Variants in RAB36 observed in about 807,000 individuals in gnomAD.
The protein encoded by RAB36 is ras-related protein Rab-36.
A neutral mutation model predicts 39.3 loss-of-function variants in RAB36; 33 were observed. That is an observed-to-expected ratio of 0.84 (90% CI 0.64 to 1.12). The LOEUF is 1.12. Among genes scored for constraint, RAB36 ranks in the 50% most tolerant of loss-of-function variants. RAB36 has a pLI of 0.00. For synonymous variants in RAB36, 133 were observed against 140.2 expected (o/e 0.95, Z 0.36); for missense variants, 308 against 355.3 (o/e 0.87, Z 1.07).
intron 3 of RAB36, 49 bp from the exon 4 acceptor site, chr22:23,152,412 G>A (rs770506094): frequency 5.6e-6 from 9 of 1,596,320 alleles, no homozygotes; most frequent in Non-Finnish European, 7.7e-6. Flanking sequence ...AGTGTCTGAA[G>A]ACACCCTGGA....
At chr22:23,146,266 TGGCACCTTCAC>T (rs995971131) in intron 1 of RAB36, among the ~76,000 whole-genome samples, 15 of 152,218 alleles carry the variant, frequency 9.9e-5, no homozygotes, top group Middle Eastern at 3.2e-3. Flanking sequence ...TGGAGTGCAG[TGGCACCTTCAC>T]GGTTCACTGC....
intron 3 of RAB36, 130 bp from the exon 4 acceptor site, chr22:23,152,331 G>T: frequency 1.2e-6 from 1 of 868,384 alleles, no homozygotes; most frequent in Admixed American, 1.8e-5. Context: ...GTCTCAGCAG[G>T]GTGGCCCATC....
chr22:23,161,897 A>C lies in RAB36; in HGVS notation c.*333A>C. The C allele has an allele frequency of 2.6e-5, 8 of 311,674 alleles. No individual in the cohort carries two copies. Among genetic ancestry groups the C allele is most frequent in the South Asian group, 7.4e-5 (2 of 26,920 alleles). The allele number at this position is 311,674 out of a possible 1,614,324, so 19.3% of individuals were successfully genotyped here. ...GCCTCAAGAGGCCTCAGAACTGCAA[A>C]CTCCTGCGTCGGTCTATACTACTCG... On this transcript the variant is annotated 3_prime_UTR_variant, in exon 11 of 11. Coordinates refer to ENST00000263116, the MANE Select transcript of RAB36 (RefSeq NM_004914.5).
At position 23,163,750 on chromosome 22, in the gene RAB36, C is replaced by T. The variant is rs1453014623; in HGVS notation, c.*2186C>T. 1 of 152,174 alleles carries T rather than the reference C, an allele frequency of 6.6e-6. No homozygotes were observed. The highest frequency in any genetic ancestry group is 1.9e-4 in the East Asian group (1 of 5,184). 9.4% of individuals were successfully genotyped at this position (152,174 alleles called of 1,614,324 possible). A position where few individuals can be genotyped will look rare whatever the true frequency, so the allele number is the denominator to read the frequency against. ...GGACTATTCCTTCTGGACTCTGTGC[C>T]TTTGCCTGCACAGCTAGTGTTGATG... is the stretch of plus-strand genomic sequence containing the variant. On this transcript the variant is annotated 3_prime_UTR_variant, in exon 11 of 11. Coordinates refer to ENST00000263116, the MANE Select transcript of RAB36 (RefSeq NM_004914.5).
intron 7 of RAB36, among the ~76,000 whole-genome samples, chr22:23,158,338 T>G (rs1418088178): frequency 6.6e-6 from 1 of 152,228 alleles, no homozygotes; most frequent in African/African-American, 2.4e-5. Context: ...ATGTTGCAAG[T>G]CCGGATACTT....
At chr22:23,156,144 AG>A in intron 6 of RAB36, 112 bp downstream of exon 6, 1 of 870,744 alleles carries the variant, frequency 1.1e-6, no homozygotes, top group Non-Finnish European at 1.8e-6. Flanking sequence ...TTGTCCTCCA[AG>A]ACCCACTGAG....
chr22:23,156,040 A>T lies in RAB36; in HGVS notation c.394+8A>T. ...ACTACCGGGGTGCCCAGGGTGAGCA[A>T]CATGCCACGTCGGGGCTCAACTGCA... is the stretch of plus-strand genomic sequence containing the variant. On this transcript the variant is annotated splice_region_variant and intron_variant, in intron 6 of 10. Transcript: ENST00000263116. 6.2e-7 allele frequency: 1 copy of T among 1,610,220 alleles called. No homozygotes were observed. Among genetic ancestry groups the T allele is most frequent in the South Asian group, 1.1e-5 (1 of 90,460 alleles).
rs377727386 is a variant in RAB36 at position 23,150,149 on chromosome 22, T to C, written c.156T>C (p.Thr52=). The part of the protein sequence containing the change: ...SAACQRRNTG[T]VGLKLSKVVV... ...CCTGCCAACGCAGGAACACGGGGACTGTCGGGTGAGCCTGCAGGGTGTGGG... is the reference window on the plus strand; with the variant it reads ...CCTGCCAACGCAGGAACACGGGGACCGTCGGGTGAGCCTGCAGGGTGTGGG... The change falls in exon 3 of 11, where the codon ACT becomes ACC. Residue 52 remains threonine (T), a synonymous_variant. Transcript: ENST00000263116. The C allele has an allele frequency of 1.2e-6, 2 of 1,610,678 alleles. No homozygotes were observed. Among genetic ancestry groups the C allele is most frequent in the South Asian group, 2.2e-5 (2 of 90,564 alleles).
intron 4 of RAB36, 57 bp from the exon 5 acceptor site, chr22:23,152,976 G>T: frequency 1.6e-6 from 2 of 1,256,758 alleles, no homozygotes; most frequent in Non-Finnish European, 2.3e-6. Flanking sequence ...TACAAGTGAA[G>T]CTTCCGGGCA....
downstream of RAB36, among the ~76,000 whole-genome samples, chr22:23,168,681 G>C (rs2072090722): frequency 6.6e-6 from 1 of 152,178 alleles, no homozygotes; most frequent in African/African-American, 2.4e-5. Flanking sequence ...CTTCCAGGCA[G>C]CACAGACCCT....
At position 23,165,250 on chromosome 22, in the gene RAB36, A is replaced by G. The variant is rs2072018394; in HGVS notation, c.*3686A>G. Among the ~76,000 whole-genome samples, 1 of 152,246 alleles carries G rather than the reference A, an allele frequency of 6.6e-6. No homozygotes were observed. Among genetic ancestry groups the G allele is most frequent in the Admixed American group, 6.5e-5 (1 of 15,290 alleles). On this transcript the variant is annotated 3_prime_UTR_variant, in exon 11 of 11. Transcript: ENST00000263116. ...GCTCAAACAAGACCATGTTCCCAGCAGACAGATTGCACTCTGACCCAGATG... is the reference window on the plus strand; with the variant it reads ...GCTCAAACAAGACCATGTTCCCAGCGGACAGATTGCACTCTGACCCAGATG...
chr22:23,152,113 G>A (rs950602905), intron 3 of RAB36, among the ~76,000 whole-genome samples: 15 of 152,216 alleles, frequency 9.9e-5, no homozygotes, highest in Non-Finnish European at 1.2e-4. Flanking sequence ...CAGCACAGAC[G>A]TGCCCACGGC....
At chr22:23,149,578 C>CA (rs1175546396) in intron 2 of RAB36, among the ~76,000 whole-genome samples, 6 of 152,232 alleles carry the variant, frequency 3.9e-5, no homozygotes, top group Non-Finnish European at 7.3e-5. Flanking sequence ...CACTCTGTCA[C>CA]CCAAGTTGGA....
At chr22:23,152,422 A>G in intron 3 of RAB36, 39 bp from the exon 4 acceptor site, 4 of 1,609,920 alleles carry the variant, frequency 2.5e-6, no homozygotes, top group Non-Finnish European at 3.4e-6. Flanking sequence ...GACACCCTGG[A>G]AGGCATGCCC....
intron 3 of RAB36, among the ~76,000 whole-genome samples, chr22:23,150,822 C>T (rs1227982285): frequency 6.6e-6 from 1 of 152,132 alleles, no homozygotes; most frequent in Admixed American, 6.5e-5. Context: ...CCCCCACTAC[C>T]CTTGCCCCTG....
intron 3 of RAB36, among the ~76,000 whole-genome samples, chr22:23,150,426 C>T (rs562939663): frequency 3.3e-5 from 5 of 151,920 alleles, no homozygotes; most frequent in East Asian, 3.9e-4. Flanking sequence ...CTCAGCCTCC[C>T]GAGTAGCGGG....
intron 1 of RAB36, 89 bp downstream of exon 1, chr22:23,145,640 G>C (rs997666906): frequency 7.2e-7 from 1 of 1,384,850 alleles, no homozygotes; most frequent in Non-Finnish European, 9.7e-7. Flanking sequence ...AGGGCACAGC[G>C]TCCGCGCCCA....
intron 1 of RAB36, 147 bp from the exon 2 acceptor site, chr22:23,146,458 C>A: frequency 7.5e-7 from 1 of 1,337,042 alleles, no homozygotes; most frequent in Non-Finnish European, 9.7e-7. Flanking sequence ...GTGATCCTCC[C>A]ACCTTGGCCT....
chr22:23,163,008 T>C lies in RAB36; in HGVS notation c.*1444T>C. 3.3e-6 allele frequency: 1 copy of C among 299,966 alleles called. No individual in the cohort carries two copies. The highest frequency in any genetic ancestry group is 3.0e-5 in the South Asian group (1 of 33,880). 18.6% of individuals were successfully genotyped at this position (299,966 alleles called of 1,614,324 possible). On this transcript the variant is annotated 3_prime_UTR_variant, in exon 11 of 11. Coordinates refer to ENST00000263116, the MANE Select transcript of RAB36 (RefSeq NM_004914.5). ...CTCAGTGCAACCTCTGCCTCCCAGG[T>C]TGAAGCGATTCTCCTGCCTCAGCCT...
Sources: gnomAD v4.1 joint callset for allele counts (sites outside exome capture counted in the v4.1 genomes callset) on GRCh38, gnomAD v4.1.1 for gene constraint, MANE v1.5 for transcripts, NCBI Gene and HGNC (gene_info 2026-07-23, HGNC 2026-07-21) for gene names.